Variants in RGS12 observed in about 807,000 individuals in gnomAD.
RGS12 encodes the protein regulator of G-protein signaling 12.
A neutral mutation model predicts 120.1 loss-of-function variants in RGS12; 66 were observed. The observed-to-expected ratio is 0.55, with a 90% confidence interval of 0.45 to 0.67. The LOEUF is 0.67. Among genes scored for constraint, RGS12 ranks in the 30% least tolerant of loss-of-function variants. RGS12 has a pLI of 0.00. For missense variants in RGS12, 1,859 were observed against 1,957.7 expected (o/e 0.95, Z 0.95); for synonymous variants, 827 against 804.7 (o/e 1.03, Z -0.47).
rs1719415634 is a variant in RGS12, at chr4:3,390,787, G to C, written c.2020+4350G>C. On this transcript the variant is annotated intron_variant, in intron 4 of 17. Coordinates refer to ENST00000336727, the MANE Select transcript of RGS12 (RefSeq NM_001394154.1). The surrounding 1 kb of genome is among the most constrained non-coding windows in gnomAD (Gnocchi z 4.6). ...GTTAGCGAACAGGCACTGAGGCCTGGGGAGCTGTCACAAACGGCTGCCTGA... is the reference window on the plus strand; with the variant it reads ...GTTAGCGAACAGGCACTGAGGCCTGCGGAGCTGTCACAAACGGCTGCCTGA... 6.6e-6 allele frequency among the ~76,000 whole-genome samples: 1 copy of C among 152,216 alleles called. No homozygotes were observed. Among genetic ancestry groups the C allele is most frequent in the African/African-American group, 2.4e-5 (1 of 41,456 alleles).
At chr4:3,432,126 C>T (rs1053350769) in intron 17 of RGS12, 3 of 985,360 alleles carry the variant, frequency 3.0e-6, no homozygotes, top group African/African-American at 3.5e-5. Flanking sequence ...CTCTCACCTG[C>T]GTTTTGAGTC....
chr4:3,414,836 A>G lies in RGS12; in HGVS notation c.2275A>G (p.Lys759Glu). Residue 759 changes from lysine (K) to glutamate (E), a missense_variant, in exon 6 of 18, where the codon AAA becomes GAA. This residue lies in a region of RGS12 where 375 missense variants were observed against 475.0 expected (regional missense o/e 0.79). Transcript: ENST00000336727. ...EYFNHVPAHD[K>E]KELSYRAREI... ...TTTTAATCATGTTCCTGCACATGAC[A>G]AAAAGGAGGTAAGTCCACGCTTGGG... 2 of 1,611,334 alleles carry G rather than the reference A, an allele frequency of 1.2e-6. No individual in the cohort carries two copies. Among genetic ancestry groups the G allele is most frequent in the South Asian group, 1.1e-5 (1 of 91,018 alleles).
intron 2 of RGS12, among the ~76,000 whole-genome samples, chr4:3,323,657 C>T (rs1725354759): frequency 6.6e-6 from 1 of 152,170 alleles, no homozygotes; most frequent in Non-Finnish European, 1.5e-5. Context: ...TGATGGCAAC[C>T]TTAGACTGTT....
chr4:3,292,275 G>A (rs569850502), upstream of RGS12, among the ~76,000 whole-genome samples: 1 of 152,168 alleles, frequency 6.6e-6, no homozygotes, highest in East Asian at 1.9e-4. Flanking sequence ...GGCGCAGGCC[G>A]GGGCCGGGCA....
At chr4:3,383,740 C>T (rs1052287570) in intron 3 of RGS12, among the ~76,000 whole-genome samples, 5 of 152,204 alleles carry the variant, frequency 3.3e-5, no homozygotes, top group African/African-American at 1.2e-4. Context: ...TTAGAGCCTC[C>T]CAGAGGCTCT....
At chr4:3,325,612 CT>C (rs1725504549) in intron 2 of RGS12, among the ~76,000 whole-genome samples, 1 of 152,160 alleles carries the variant, frequency 6.6e-6, no homozygotes, top group Non-Finnish European at 1.5e-5. Context: ...TCTACCAAAC[CT>C]ATGAAGAACT....
chr4:3,369,930 C>T (rs371274148), intron 3 of RGS12: 2 of 878,408 alleles, frequency 2.3e-6, no homozygotes, highest in African/African-American at 3.5e-5. Context: ...CACCACGATG[C>T]TAAAAAAAAC....
chr4:3,353,830 C>T (rs1323232533), intron 3 of RGS12, among the ~76,000 whole-genome samples: 4 of 152,202 alleles, frequency 2.6e-5, no homozygotes, highest in Middle Eastern at 6.8e-3. Flanking sequence ...ATAGGGAGAA[C>T]GTGGTAGTGC....
chr4:3,430,667 G>A lies in RGS12; in HGVS notation c.3826G>A (p.Gly1276Ser), dbSNP rs1267081699. The A allele has an allele frequency of 1.3e-6, 2 of 1,588,950 alleles. No individual in the cohort carries two copies. Among genetic ancestry groups the A allele is most frequent in the African/African-American group, 2.7e-5 (2 of 74,286 alleles). The change falls in exon 17 of 18, where the codon GGC becomes AGC. Residue 1276 changes from glycine (G) to serine (S), a missense_variant. Gly to Ser is a moderately conservative substitution (Grantham distance 56). Transcript: ENST00000336727. ...CAGCGACAGCCCGTCCACCAGCCCG[G>A]GCTCAGCCTCCAGCCCCCCTGGACC... The part of the protein sequence containing the change: ...ESSDSPSTSP[G>S]SASSPPGPPG...
At chr4:3,291,210 TC>T, upstream of RGS12, among the ~76,000 whole-genome samples, 1 of 152,328 alleles carries the variant, frequency 6.6e-6, no homozygotes, top group South Asian at 2.1e-4. Context: ...CCCTGGAGCC[TC>T]AGGAGGCTGA....
intron 2 of RGS12, among the ~76,000 whole-genome samples, chr4:3,333,508 T>G (rs534176876): frequency 3.9e-5 from 6 of 152,342 alleles, no homozygotes; most frequent in Non-Finnish European, 8.8e-5. Context: ...CCCTTAAAGT[T>G]TCTTGGAGTT....
chr4:3,430,244 CT>C (rs1371960816), intron 16 of RGS12, among the ~76,000 whole-genome samples, 162 bp from the exon 17 acceptor site: 4 of 152,212 alleles, frequency 2.6e-5, no homozygotes, highest in African/African-American at 4.8e-5. Flanking sequence ...GTCCCTTCCG[CT>C]GTCTGTGGGA....
At chr4:3,308,244 C>T (rs894499252) in intron 1 of RGS12, among the ~76,000 whole-genome samples, 1 of 152,230 alleles carries the variant, frequency 6.6e-6, no homozygotes, top group Non-Finnish European at 1.5e-5. Flanking sequence ...AGGGCCGGTG[C>T]ACTTCAGGAG....
chr4:3,419,239 G>A (rs1474164395), intron 9 of RGS12: 1 of 152,092 alleles, frequency 6.6e-6, no homozygotes, highest in Admixed American at 6.5e-5. Flanking sequence ...GCTGAGACAG[G>A]AGAATTAGTT....
At chr4:3,425,243 G>A (rs1185309419) in intron 13 of RGS12, among the ~76,000 whole-genome samples, 2 of 152,138 alleles carry the variant, frequency 1.3e-5, no homozygotes, top group South Asian at 2.1e-4. Context: ...CACCTCCTGC[G>A]TGATTCCATC....
chr4:3,435,169 C>G (rs1409902101), intron 17 of RGS12, among the ~76,000 whole-genome samples: 2 of 152,168 alleles, frequency 1.3e-5, no homozygotes, highest in Non-Finnish European at 2.9e-5. Flanking sequence ...CCTCAGGGCC[C>G]CCGGAGCTCA....
At chr4:3,345,468 C>G (rs1713703470) in intron 3 of RGS12, among the ~76,000 whole-genome samples, 1 of 152,182 alleles carries the variant, frequency 6.6e-6, no homozygotes, top group African/African-American at 2.4e-5. Flanking sequence ...CTTTGATTGC[C>G]CCTTGGTGCT....
chr4:3,437,702 G>T (rs1180459015), intron 17 of RGS12, among the ~76,000 whole-genome samples: 1 of 152,112 alleles, frequency 6.6e-6, no homozygotes, highest in Non-Finnish European at 1.5e-5. Context: ...GGACCCCTGG[G>T]CCTCCAGATG....
At chr4:3,424,472 G>T (rs746384232) in intron 13 of RGS12, among the ~76,000 whole-genome samples, 1 of 152,262 alleles carries the variant, frequency 6.6e-6, no homozygotes, top group Non-Finnish European at 1.5e-5. Context: ...GTGGGAGACA[G>T]ACCTGGCCTG....
Sources: gnomAD v4.1 joint callset for allele counts (sites outside exome capture counted in the v4.1 genomes callset) on GRCh38, gnomAD v4.1.1 for gene constraint, gnomAD v4.1.1 regional missense constraint, Gnocchi (gnomAD v3.1) non-coding constraint, MANE v1.5 for transcripts, NCBI Gene and HGNC (gene_info 2026-07-23, HGNC 2026-07-21) for gene names.